Variants in TIAM1 observed in about 807,000 individuals in gnomAD.
TIAM1 encodes the protein rho guanine nucleotide exchange factor TIAM1.
In TIAM1, 65 loss-of-function variants were observed where a neutral mutation model predicts 163.5. The observed-to-expected ratio is 0.40, with a 90% CI of 0.33 to 0.49. TIAM1 has a LOEUF of 0.49. TIAM1 is among the 20% of genes least tolerant of loss of function. The probability of loss-of-function intolerance (pLI) is 0.77; values close to 1 mark genes in which losing one functional copy is unlikely to be tolerated. For missense variants in TIAM1, 1,789 were observed against 2,044.7 expected, an observed-to-expected ratio of 0.87 and a Z score of 2.41; for synonymous variants, 833 against 810.1, an observed-to-expected ratio of 1.03 and a Z score of -0.48.
chr21:31,215,791 C>A (rs1325441685), intron 9 of TIAM1, among the ~76,000 whole-genome samples: 1 of 152,136 alleles, frequency 6.6e-6, no homozygotes, highest in Non-Finnish European at 1.5e-5. Flanking sequence ...GAAACTGCTT[C>A]AGTCTCACAC....
chr21:31,416,576 G>A (rs962870739), intron 2 of TIAM1, among the ~76,000 whole-genome samples: 1 of 152,028 alleles, frequency 6.6e-6, no homozygotes, highest in African/African-American at 2.4e-5. Flanking sequence ...TACAATATTT[G>A]GTTTTCCATT....
At chr21:31,343,844 G>A (rs550976735) in intron 1 of TIAM1, among the ~76,000 whole-genome samples, 2 of 152,300 alleles carry the variant, frequency 1.3e-5, no homozygotes, top group East Asian at 3.9e-4. Flanking sequence ...AGTCAAGGGG[G>A]AAAGATGACG....
intron 2 of TIAM1, among the ~76,000 whole-genome samples, chr21:31,441,486 A>G (rs925999787): frequency 6.6e-6 from 1 of 152,218 alleles, no homozygotes; most frequent in Non-Finnish European, 1.5e-5. Flanking sequence ...GAGTCCCAGG[A>G]ATATGGCAAT....
intron 2 of TIAM1, among the ~76,000 whole-genome samples, chr21:31,425,544 A>C (rs1284184277): frequency 6.7e-6 from 1 of 149,066 alleles, no homozygotes; most frequent in East Asian, 2.0e-4. Context: ...GCAATTACGC[A>C]TTTCTAACAA....
chr21:31,394,728 T>TCTCTCACA (rs1279053911), intron 2 of TIAM1, among the ~76,000 whole-genome samples: 32 of 95,722 alleles, frequency 3.3e-4, no homozygotes, highest in Middle Eastern at 8.9e-3. Context: ...TCTCTCTCTC[T>TCTCTCACA]CACACACACA....
intron 2 of TIAM1, among the ~76,000 whole-genome samples, chr21:31,421,504 T>TA (rs2043570759): frequency 6.6e-6 from 1 of 152,188 alleles, no homozygotes; most frequent in Non-Finnish European, 1.5e-5. Flanking sequence ...CAGATTCTCA[T>TA]AGGAGCATGA....
chr21:31,154,146 T>C (rs1413084305), intron 17 of TIAM1, 101 bp downstream of exon 17: 5 of 1,319,254 alleles, frequency 3.8e-6, no homozygotes, highest in African/African-American at 1.5e-5. Flanking sequence ...ACGCTCTTCA[T>C]GAACACAGTT....
At chr21:31,397,815 A>G (rs2077098454) in intron 2 of TIAM1, among the ~76,000 whole-genome samples, 1 of 152,200 alleles carries the variant, frequency 6.6e-6, no homozygotes, top group Admixed American at 6.5e-5. Context: ...GGCAAAACGA[A>G]AGACATGGAA....
At chr21:31,240,392 A>G (rs767603908) in intron 6 of TIAM1, among the ~76,000 whole-genome samples, 1 of 152,224 alleles carries the variant, frequency 6.6e-6, no homozygotes, top group Non-Finnish European at 1.5e-5. Flanking sequence ...CAGTAAAAAC[A>G]GCAAGTTTTG....
chr21:31,180,215 T>A (rs963704124), intron 15 of TIAM1, among the ~76,000 whole-genome samples: 1 of 152,002 alleles, frequency 6.6e-6, no homozygotes, highest in Non-Finnish European at 1.5e-5. Flanking sequence ...AGACTTTTTT[T>A]AAAAAAGAAG....
chr21:31,222,680 T>G lies in TIAM1; in HGVS notation c.1995+726A>C, dbSNP rs867224426. ...ATATACATACATGTACACATACATA[T>G]ATATATATATATATATATATATATA... On this transcript the variant is annotated intron_variant, in intron 8 of 27. Transcript: ENST00000541036. 3.6e-3 allele frequency among the ~76,000 whole-genome samples: 129 copies of G among 35,490 alleles called. 1 individual carries two copies. The highest frequency in any genetic ancestry group is 6.5e-3 in the Non-Finnish European group (115 of 17,594). The allele number at this position is 35,490 out of a possible 152,430, so 23.3% of individuals were successfully genotyped here.
Position 31,298,735 on chromosome 21 carries a change from GGTGTGTGTGTGTGTGT to G in TIAM1, c.-188-21843_-188-21828del, listed in dbSNP as rs147701527. On this transcript the variant is annotated intron_variant, in intron 2 of 27. Transcript: ENST00000541036. ...ATGGATCAGATCAGATCCAATTGAG[GGTGTGTGTGTGTGTGT>G]GTGTGTGTGTGTGTGTGAGAAACAG... Among the ~76,000 whole-genome samples, 5 of 138,482 alleles carry G rather than the reference GGTGTGTGTGTGTGTGT, an allele frequency of 3.6e-5. No homozygotes were observed. In the East Asian group the frequency reaches 1.0e-3, roughly 29 times the overall value. The allele number at this position is 138,482 out of a possible 152,430, so 90.8% of individuals were successfully genotyped here. A position where few individuals can be genotyped will look rare whatever the true frequency, so the allele number is the denominator to read the frequency against.
At chr21:31,545,558 A>G (rs1005490739) in intron 1 of TIAM1, among the ~76,000 whole-genome samples, 4 of 152,198 alleles carry the variant, frequency 2.6e-5, no homozygotes, top group Non-Finnish European at 5.9e-5. Flanking sequence ...CATGAGACAC[A>G]ACCATGATTG....
rs534096468 is a variant in TIAM1 at position 31,344,022 on chromosome 21, C to G, written c.-369+116G>C. 16 of 152,364 alleles carry G rather than the reference C, an allele frequency of 1.1e-4. No homozygotes were observed. In the East Asian group the frequency reaches 3.1e-3, roughly 29 times the overall value. The allele number at this position is 152,364 out of a possible 1,614,324, so 9.4% of individuals were successfully genotyped here. On this transcript the variant is annotated intron_variant, in intron 1 of 27. Transcript: ENST00000541036. ...CGGTTCCCCGGCCCCAGCTGCACAG[C>G]TCAGCTCGGGGCTCTCACCTATCCT... is the stretch of plus-strand genomic sequence containing the variant.
intron 5 of TIAM1, 101 bp downstream of exon 5, chr21:31,251,641 T>TAAC (rs954565602): frequency 2.0e-5 from 24 of 1,230,230 alleles, no homozygotes; most frequent in East Asian, 4.8e-5. Context: ...AAATTCTGTA[T>TAAC]AACAACAACA....
intron 2 of TIAM1, among the ~76,000 whole-genome samples, chr21:31,278,818 T>C (rs2073417592): frequency 1.3e-5 from 2 of 152,196 alleles, no homozygotes; most frequent in South Asian, 4.1e-4. Flanking sequence ...TCCCTTTCCC[T>C]GGGCATCCTC....
At chr21:31,459,963 T>C (rs2045263026) in intron 2 of TIAM1, among the ~76,000 whole-genome samples, 1 of 152,140 alleles carries the variant, frequency 6.6e-6, no homozygotes, top group Non-Finnish European at 1.5e-5. Context: ...TCAGGGTGCT[T>C]TTCCTCATAC....
At chr21:31,140,466 CA>C (rs1236670550) in intron 22 of TIAM1, among the ~76,000 whole-genome samples, 3 of 152,244 alleles carry the variant, frequency 2.0e-5, no homozygotes, top group South Asian at 4.1e-4. Flanking sequence ...TGTATGTATT[CA>C]GGGGTACACA....
chr21:31,543,134 T>C (rs2048372046), intron 1 of TIAM1, among the ~76,000 whole-genome samples: 1 of 152,220 alleles, frequency 6.6e-6, no homozygotes, highest in East Asian at 1.9e-4. Flanking sequence ...TGCTGCCTCA[T>C]GTTGCCTCTT....
Sources: allele counts gnomAD v4.1 joint callset (sites outside exome capture counted in the v4.1 genomes callset), GRCh38; gene constraint gnomAD v4.1.1; transcripts MANE v1.5; gene names NCBI Gene and HGNC (gene_info 2026-07-23, HGNC 2026-07-21).